THSD7A: variants seen among roughly 807,000 people sequenced by gnomAD.
THSD7A encodes the protein thrombospondin type-1 domain-containing protein 7A.
A neutral mutation model predicts 231.3 loss-of-function variants in THSD7A; 96 were observed. The observed-to-expected ratio is 0.41, with a 90% confidence interval of 0.35 to 0.49. The LOEUF (loss-of-function observed/expected upper bound fraction) is 0.49, where lower values mean the gene tolerates loss of function less well. Ranked by LOEUF, THSD7A falls within the 20% of genes least tolerant of loss-of-function variation. The pLI is 0.05. For missense variants in THSD7A, 2,290 were observed against 2,070.2 expected (o/e 1.11, Z -2.06); for synonymous variants, 940 against 743.3 (o/e 1.26, Z -4.30).
At chr7:11,493,762 G>T (rs1442124267) in intron 6 of THSD7A, among the ~76,000 whole-genome samples, 1 of 152,014 alleles carries the variant, frequency 6.6e-6, no homozygotes, top group Non-Finnish European at 1.5e-5. Context: ...ATTTTAAAGA[G>T]CCATAAGTAA....
intron 1 of THSD7A, among the ~76,000 whole-genome samples, chr7:11,742,621 G>A (rs763191194): frequency 3.3e-5 from 5 of 151,844 alleles, no homozygotes; most frequent in South Asian, 2.1e-4. Flanking sequence ...AAAAATTCAC[G>A]TCCTTTCAGC....
chr7:11,502,739 C>T (rs572862054), intron 6 of THSD7A, among the ~76,000 whole-genome samples: 7 of 152,244 alleles, frequency 4.6e-5, no homozygotes, highest in African/African-American at 1.7e-4. Context: ...CCTAGGAATA[C>T]AGCCAACTAG....
At position 11,454,309 on chromosome 7, in the gene THSD7A, A is replaced by G. The variant is rs1334685117; in HGVS notation, c.2605+6353T>C. Among the ~76,000 whole-genome samples the G allele has an allele frequency of 2.0e-5, 3 of 151,840 alleles. No homozygotes were observed. In the East Asian group the frequency reaches 5.8e-4, roughly 29 times the overall value. On this transcript the variant is annotated intron_variant, in intron 11 of 27. Transcript: ENST00000423059. ...CTCTTTTTACTTCTTATGCCATTATACAAAATTTCCTGGAATATAACATTC... is the reference window on the plus strand; with the variant it reads ...CTCTTTTTACTTCTTATGCCATTATGCAAAATTTCCTGGAATATAACATTC...
At chr7:11,742,450 A>G (rs974413037) in intron 1 of THSD7A, among the ~76,000 whole-genome samples, 2 of 151,890 alleles carry the variant, frequency 1.3e-5, no homozygotes, top group Non-Finnish European at 2.9e-5. Flanking sequence ...TGTTGTTTTA[A>G]GAATATAGCT....
intron 6 of THSD7A, among the ~76,000 whole-genome samples, chr7:11,485,929 A>G (rs188079347): frequency 6.6e-6 from 1 of 152,178 alleles, no homozygotes; most frequent in African/African-American, 2.4e-5. Flanking sequence ...TAAATTTTTG[A>G]TTTTGCTTTC....
chr7:11,466,234 T>C (rs1785699455), intron 9 of THSD7A, among the ~76,000 whole-genome samples: 1 of 152,176 alleles, frequency 6.6e-6, no homozygotes, highest in Non-Finnish European at 1.5e-5. Context: ...CAACTTTGAA[T>C]TAATTTTCTG....
intron 1 of THSD7A, among the ~76,000 whole-genome samples, chr7:11,822,263 T>C (rs553431626): frequency 1.3e-5 from 2 of 152,250 alleles, no homozygotes; most frequent in Non-Finnish European, 2.9e-5. Flanking sequence ...TGTGTACAAA[T>C]TTTTTACCAC....
intron 1 of THSD7A, among the ~76,000 whole-genome samples, chr7:11,786,148 G>T (rs1783784872): frequency 6.7e-6 from 1 of 148,258 alleles, no homozygotes; most frequent in African/African-American, 2.6e-5. Flanking sequence ...TAATAGTTTG[G>T]TTAATTCTTT....
At chr7:11,426,515 G>T in intron 15 of THSD7A, 151 bp downstream of exon 15, 1 of 787,194 alleles carries the variant, frequency 1.3e-6, no homozygotes, top group Non-Finnish European at 1.9e-6. Flanking sequence ...AAATAAAACA[G>T]TTATAGAAAA....
In THSD7A at chr7:11,462,035, G is replaced by T. The variant is rs758433757; in HGVS notation, c.2477C>A (p.Ala826Glu). The T allele has an allele frequency of 6.2e-7, 1 of 1,613,688 alleles. No homozygotes were observed. Among genetic ancestry groups the T allele is most frequent in the South Asian group, 1.1e-5 (1 of 91,064 alleles). Reference protein sequence around the residue: ...DPLYEEKACEAPQACQSYRWK... With the variant: ...DPLYEEKACEEPQACQSYRWK... ...CCTGTAGCTTTGGCACGCTTGAGGT[G>T]CCTCACAGGCCTTCTCTTCATAGAG... is the stretch of plus-strand genomic sequence containing the variant. Residue 826 changes from alanine (A) to glutamate (E), a missense_variant, in exon 10 of 28, where the codon GCA becomes GAA. By Grantham distance (107) the Ala-to-Glu change is moderately radical. Coordinates refer to ENST00000423059, the MANE Select transcript of THSD7A (RefSeq NM_015204.3).
At chr7:11,770,849 T>G (rs1013690114) in intron 1 of THSD7A, among the ~76,000 whole-genome samples, 1 of 152,038 alleles carries the variant, frequency 6.6e-6, no homozygotes, top group African/African-American at 2.4e-5. Flanking sequence ...TTATGGTAAG[T>G]AAAAAGAGAA....
Position 11,384,709 on chromosome 7 carries a change from T to A in THSD7A, c.4412-2093A>T, listed in dbSNP as rs1782662325. ...TTTAGTCTAATGGCTTAATTGTTGATCAATTACCCTTTTTAACTATTGATG... is the reference window on the plus strand; with the variant it reads ...TTTAGTCTAATGGCTTAATTGTTGAACAATTACCCTTTTTAACTATTGATG... On this transcript the variant is annotated intron_variant, in intron 23 of 27. Transcript: ENST00000423059. 3 of 152,010 alleles carry A rather than the reference T, an allele frequency of 2.0e-5. No homozygotes were observed. In the South Asian group the frequency reaches 6.2e-4, roughly 32 times the overall value. 9.4% of individuals were successfully genotyped at this position (152,010 alleles called of 1,614,324 possible). A position where few individuals can be genotyped will look rare whatever the true frequency, so the allele number is the denominator to read the frequency against.
At chr7:11,800,556 G>GA (rs564834918) in intron 1 of THSD7A, among the ~76,000 whole-genome samples, 21 of 151,416 alleles carry the variant, frequency 1.4e-4, no homozygotes, top group African/African-American at 4.6e-4. Context: ...TCTCAAAAAA[G>GA]AAAAAAAATA....
chr7:11,516,686 A>G (rs1334140067), intron 6 of THSD7A, among the ~76,000 whole-genome samples: 1 of 152,244 alleles, frequency 6.6e-6, no homozygotes, highest in African/African-American at 2.4e-5. Flanking sequence ...ATCTCCATAA[A>G]ACTATCCTTT....
At chr7:11,519,565 A>T (rs1788176988) in intron 6 of THSD7A, among the ~76,000 whole-genome samples, 1 of 152,134 alleles carries the variant, frequency 6.6e-6, no homozygotes, top group Non-Finnish European at 1.5e-5. Flanking sequence ...GGAATTGTTT[A>T]GCTTTTTACA....
chr7:11,620,807 TC>T (rs1402501530), intron 2 of THSD7A, among the ~76,000 whole-genome samples: 1 of 152,212 alleles, frequency 6.6e-6, no homozygotes, highest in Non-Finnish European at 1.5e-5. Flanking sequence ...TAGCCTGTTT[TC>T]ATTCAATCTG....
intron 23 of THSD7A, chr7:11,384,882 G>T (rs1288658855): frequency 6.6e-6 from 1 of 151,778 alleles, no homozygotes; most frequent in East Asian, 1.9e-4. Context: ...TTAACAACCT[G>T]TTCAAATTGC....
intron 1 of THSD7A, among the ~76,000 whole-genome samples, chr7:11,678,273 C>A (rs1360195090): frequency 6.6e-6 from 1 of 151,968 alleles, no homozygotes; most frequent in Non-Finnish European, 1.5e-5. Flanking sequence ...GCTAACATCA[C>A]AATTAAAAGA....
chr7:11,706,429 A>C (rs1219785889), intron 1 of THSD7A, among the ~76,000 whole-genome samples: 1 of 150,876 alleles, frequency 6.6e-6, no homozygotes, highest in Non-Finnish European at 1.5e-5. Flanking sequence ...AAGAAAAATA[A>C]GTGTTCATTT....
Sources: gnomAD v4.1 joint callset for allele counts (sites outside exome capture counted in the v4.1 genomes callset) on GRCh38, gnomAD v4.1.1 for gene constraint, MANE v1.5 for transcripts, NCBI Gene and HGNC (gene_info 2026-07-23, HGNC 2026-07-21) for gene names.